Variants in NCAM1 observed in about 807,000 individuals in gnomAD.
The protein encoded by NCAM1 is antigen recognized by monoclonal antibody 5.1H11.
In NCAM1, 14 loss-of-function variants were observed where a neutral mutation model predicts 109.8. The ratio of observed to expected loss-of-function variants is 0.13; its 90% CI spans 0.08 to 0.20. The LOEUF (loss-of-function observed/expected upper bound fraction) is 0.20. Among genes scored for constraint, NCAM1 ranks in the 10% least tolerant of loss-of-function variants. The pLI is 1.00. For missense variants in NCAM1, 774 were observed against 1,109.9 expected, an observed-to-expected ratio of 0.70 and a Z score of 4.30; for synonymous variants, 418 against 442.9, an observed-to-expected ratio of 0.94 and a Z score of 0.70.
chr11:113,215,960 C>T (rs1238511727), intron 8 of NCAM1, among the ~76,000 whole-genome samples: 1 of 152,144 alleles, frequency 6.6e-6, no homozygotes, highest in Non-Finnish European at 1.5e-5. Context: ...CAGAGTGACC[C>T]AGTGTATATC....
chr11:113,216,240 C>T (rs1944526551), intron 8 of NCAM1, among the ~76,000 whole-genome samples: 1 of 151,332 alleles, frequency 6.6e-6, no homozygotes, highest in Non-Finnish European at 1.5e-5. Context: ...GCTCCGCCCC[C>T]TGGGGTTCCC....
At chr11:113,088,508 C>G (rs1235668629) in intron 1 of NCAM1, among the ~76,000 whole-genome samples, 3 of 148,936 alleles carry the variant, frequency 2.0e-5, no homozygotes, top group Non-Finnish European at 4.4e-5. Flanking sequence ...TCCCCGCTGC[C>G]CCTGCCCCAC....
chr11:113,205,940 AC>A (rs1944223423), intron 4 of NCAM1, 102 bp from the exon 5 acceptor site: 3 of 1,422,902 alleles, frequency 2.1e-6, no homozygotes, highest in Non-Finnish European at 2.9e-6. Context: ...TTAAAACCCC[AC>A]CCTATGATAC....
intron 1 of NCAM1, among the ~76,000 whole-genome samples, chr11:113,162,220 A>G (rs1421476606): frequency 6.6e-6 from 1 of 152,212 alleles, no homozygotes; most frequent in Non-Finnish European, 1.5e-5. Context: ...GCCTTTGCAA[A>G]CAAAGCTAAA....
intron 1 of NCAM1, among the ~76,000 whole-genome samples, chr11:113,193,749 A>T (rs11214538): frequency 6.6e-6 from 1 of 151,958 alleles, no homozygotes; most frequent in African/African-American, 2.4e-5. Flanking sequence ...CCTTTTGGGG[A>T]CTGGGAATTG....
rs894532411 is a variant in NCAM1, at chr11:113,276,253, A to G, written c.*866A>G. 35 of 152,766 alleles carry G rather than the reference A, an allele frequency of 2.3e-4. No homozygotes were observed. The highest frequency in any genetic ancestry group is 8.4e-4 in the African/African-American group (35 of 41,584). 9.5% of individuals were successfully genotyped at this position (152,766 alleles called of 1,614,324 possible). A position where few individuals can be genotyped will look rare whatever the true frequency, so the allele number is the denominator to read the frequency against. On this transcript the variant is annotated 3_prime_UTR_variant, in exon 20 of 20. Coordinates refer to ENST00000316851, the MANE Select transcript of NCAM1 (RefSeq NM_181351.5). ...GCTTTAGCACAGGACAACTTTACAAAACATGATTGTTTACAGCTGCTCTTC... is the reference window on the plus strand; with the variant it reads ...GCTTTAGCACAGGACAACTTTACAAGACATGATTGTTTACAGCTGCTCTTC...
rs10562516 is a variant in NCAM1, at chr11:113,169,036, C to CTGTGTG, written c.53-33313_53-33308dup. ...GAGAAGATCCTCTCTCTTCCTCTTT[C>CTGTGTG]TGTGTGTGTGTGTGTGTGTGTGTGT... On this transcript the variant is annotated intron_variant, in intron 1 of 19. Coordinates refer to ENST00000316851, the MANE Select transcript of NCAM1 (RefSeq NM_181351.5). Among the ~76,000 whole-genome samples the CTGTGTG allele has an allele frequency of 1.1e-3, 168 of 146,890 alleles. 1 individual carries two copies. The highest frequency in any genetic ancestry group is 3.8e-3 in the African/African-American group (152 of 39,890).
chr11:113,057,125 G>A (rs1555082727), intron 1 of NCAM1, among the ~76,000 whole-genome samples: 1 of 152,134 alleles, frequency 6.6e-6, no homozygotes, highest in African/African-American at 2.4e-5. Context: ...CAAAGAGGCA[G>A]GGGACCTAAC....
chr11:113,123,704 G>T (rs1941063009), intron 1 of NCAM1, among the ~76,000 whole-genome samples: 1 of 152,176 alleles, frequency 6.6e-6, no homozygotes, highest in Non-Finnish European at 1.5e-5. Flanking sequence ...TCCCTGTCCT[G>T]TGTTTCCTGG....
At chr11:113,040,355 T>C (rs927543784) in intron 1 of NCAM1, among the ~76,000 whole-genome samples, 2 of 152,102 alleles carry the variant, frequency 1.3e-5, no homozygotes, top group Admixed American at 1.3e-4. Flanking sequence ...GATGTGATTG[T>C]CTGAGAAGGA....
chr11:113,246,582 A>G (rs1555120279), intron 15 of NCAM1, among the ~76,000 whole-genome samples: 2 of 152,268 alleles, frequency 1.3e-5, no homozygotes, highest in Non-Finnish European at 2.9e-5. Flanking sequence ...TTTTGCTTCA[A>G]GAAATTTGGT....
intron 1 of NCAM1, among the ~76,000 whole-genome samples, chr11:113,066,439 G>C (rs1278833275): frequency 6.6e-6 from 1 of 152,100 alleles, no homozygotes; most frequent in African/African-American, 2.4e-5. Context: ...CATCCATCCA[G>C]GATTGGGTAG....
chr11:113,261,920 T>C (rs1002567071), intron 17 of NCAM1, among the ~76,000 whole-genome samples: 2 of 152,166 alleles, frequency 1.3e-5, no homozygotes, highest in African/African-American at 4.8e-5. Context: ...GGGTAGACCT[T>C]GTCCTCCAGA....
At chr11:112,982,156 A>G (rs1555068875) in intron 1 of NCAM1, among the ~76,000 whole-genome samples, 1 of 152,002 alleles carries the variant, frequency 6.6e-6, no homozygotes, top group African/African-American at 2.4e-5. Flanking sequence ...TATAGTGCCT[A>G]GCAAAGGGTC....
intron 1 of NCAM1, among the ~76,000 whole-genome samples, chr11:113,053,723 G>A (rs1555082142): frequency 6.6e-6 from 1 of 152,128 alleles, no homozygotes. Context: ...GTCTGTCCCT[G>A]CTTATAACTT....
chr11:113,245,877 G>A (rs1945485487), intron 14 of NCAM1, among the ~76,000 whole-genome samples: 1 of 152,186 alleles, frequency 6.6e-6, no homozygotes, highest in African/African-American at 2.4e-5. Flanking sequence ...CATTGCCCTT[G>A]TTTCCCAAGG....
intron 1 of NCAM1, among the ~76,000 whole-genome samples, chr11:113,152,496 C>A (rs1295150360): frequency 6.6e-6 from 1 of 152,240 alleles, no homozygotes; most frequent in African/African-American, 2.4e-5. Context: ...CCAACATGTT[C>A]TCCTTCAGAG....
At chr11:113,149,161 C>T (rs1234516890) in intron 1 of NCAM1, among the ~76,000 whole-genome samples, 3 of 152,170 alleles carry the variant, frequency 2.0e-5, no homozygotes, top group Non-Finnish European at 4.4e-5. Context: ...GGAGCCAGTA[C>T]CTCTGCTGGA....
chr11:113,093,214 A>C (rs1196147441), intron 1 of NCAM1, among the ~76,000 whole-genome samples: 2 of 152,202 alleles, frequency 1.3e-5, no homozygotes, highest in Non-Finnish European at 2.9e-5. Context: ...GGAGCACCCT[A>C]GCTCCCAGAT....
Sources: allele counts gnomAD v4.1 joint callset (sites outside exome capture counted in the v4.1 genomes callset), GRCh38; gene constraint gnomAD v4.1.1; transcripts MANE v1.5; gene names NCBI Gene and HGNC (gene_info 2026-07-23, HGNC 2026-07-21).